Variants in SH3KBP1 observed in about 807,000 individuals in gnomAD.
SH3KBP1 encodes the protein SH3 domain-containing kinase-binding protein 1.
Under a neutral mutation model 50.1 loss-of-function variants are expected in SH3KBP1, and 8 were observed. The observed-to-expected ratio is 0.16, with a 90% CI of 0.09 to 0.29. The LOEUF (loss-of-function observed/expected upper bound fraction) is 0.29, where lower values mean the gene tolerates loss of function less well. SH3KBP1 is among the 10% of genes least tolerant of loss of function. SH3KBP1 has a pLI of 1.00. For missense variants in SH3KBP1, 377 were observed against 535.2 expected (o/e 0.70, Z 2.92); for synonymous variants, 227 against 218.6 (o/e 1.04, Z -0.34).
chrX:19,757,562 CA>C (rs35710169), intron 2 of SH3KBP1, among the ~76,000 whole-genome samples: 7,606 of 78,331 alleles, frequency 0.097, 517 homozygotes, highest in African/African-American at 0.24. Context: ...TATCTTATGT[CA>C]AAAAAAAAAA....
At chrX:19,814,187 C>T (rs2067288554) in intron 2 of SH3KBP1, among the ~76,000 whole-genome samples, 1 of 110,902 alleles carries the variant, frequency 9.0e-6, no homozygotes, top group African/African-American at 3.3e-5. Context: ...CCAGCAAATC[C>T]CGTTGGCTGT....
chrX:19,882,549 G>C (rs961050583), intron 1 of SH3KBP1, among the ~76,000 whole-genome samples: 5 of 111,589 alleles, frequency 4.5e-5, no homozygotes, highest in Non-Finnish European at 7.5e-5. Context: ...GGCAAGGAAA[G>C]GGATTCCCTC....
At chrX:19,793,237 A>T (rs1171550255) in intron 2 of SH3KBP1, among the ~76,000 whole-genome samples, 1 of 108,355 alleles carries the variant, frequency 9.2e-6, no homozygotes, top group Non-Finnish European at 1.9e-5. Flanking sequence ...GGTTGAGGCT[A>T]CAGTGAGTTG....
chrX:19,605,871 G>GT (rs1491218750), intron 9 of SH3KBP1, among the ~76,000 whole-genome samples: 1 of 112,049 alleles, frequency 8.9e-6, no homozygotes, highest in Non-Finnish European at 1.9e-5. Context: ...CTGTGCTCAC[G>GT]TGTCTCTACC....
intron 12 of SH3KBP1, among the ~76,000 whole-genome samples, chrX:19,570,421 C>T (rs1333250216): frequency 9.0e-6 from 1 of 111,571 alleles, no homozygotes; most frequent in East Asian, 2.8e-4. Flanking sequence ...TGGCCAAGTC[C>T]CCCGGGACCA....
intron 2 of SH3KBP1, among the ~76,000 whole-genome samples, chrX:19,771,051 G>A (rs138130313): frequency 0.012 from 1,383 of 111,662 alleles, 11 homozygotes; most frequent in Middle Eastern, 0.028. Context: ...TTTACCCAGG[G>A]AATGGGGGGT....
chrX:19,608,102 G>A (rs2067295334), intron 8 of SH3KBP1, 57 bp from the exon 9 acceptor site: 2 of 984,459 alleles, frequency 2.0e-6, no homozygotes, highest in Admixed American at 5.1e-5. Context: ...CCAGAGGGGT[G>A]TAACCCCCCT....
At chrX:19,859,717 T>C (rs949710086) in intron 1 of SH3KBP1, among the ~76,000 whole-genome samples, 1 of 110,946 alleles carries the variant, frequency 9.0e-6, no homozygotes, top group Admixed American at 9.6e-5. Flanking sequence ...TGGGCTTGTT[T>C]GCACCTTCTG....
chrX:19,610,810 G>A (rs111882429), intron 8 of SH3KBP1, among the ~76,000 whole-genome samples: 42 of 111,914 alleles, frequency 3.8e-4, no homozygotes, highest in African/African-American at 1.4e-3. Context: ...CTTAGCTGAG[G>A]ACTGGTCTTC....
intron 1 of SH3KBP1, among the ~76,000 whole-genome samples, chrX:19,868,561 T>C (rs183136919): frequency 1.7e-4 from 18 of 107,607 alleles, no homozygotes; most frequent in Middle Eastern, 4.8e-3. Flanking sequence ...TTCTCTCTAG[T>C]ACCCATTATC....
chrX:19,567,823 T>C (rs1392480353), intron 13 of SH3KBP1, among the ~76,000 whole-genome samples: 1 of 109,670 alleles, frequency 9.1e-6, no homozygotes, highest in Admixed American at 9.9e-5. Context: ...TTCAGCCTTC[T>C]ATATTATGTA....
chrX:19,579,779 G>A (rs1393930777), intron 12 of SH3KBP1, among the ~76,000 whole-genome samples: 1 of 111,877 alleles, frequency 8.9e-6, no homozygotes, highest in Non-Finnish European at 1.9e-5. Flanking sequence ...GTGACCTATG[G>A]GACTACCTTC....
intron 2 of SH3KBP1, among the ~76,000 whole-genome samples, chrX:19,778,098 G>C (rs1459338539): frequency 9.0e-6 from 1 of 111,548 alleles, no homozygotes; most frequent in East Asian, 2.8e-4. Context: ...AAACACTATA[G>C]CAGTGGAAAG....
intron 9 of SH3KBP1, chrX:19,601,569 G>C (rs1003348484): frequency 3.6e-5 from 4 of 111,849 alleles, no homozygotes; most frequent in African/African-American, 1.3e-4. Flanking sequence ...GTAAGTCTCA[G>C]CTTGATTTTC....
At chrX:19,553,889 T>TTA (rs1354905020) in intron 13 of SH3KBP1, among the ~76,000 whole-genome samples, 1 of 80,201 alleles carries the variant, frequency 1.2e-5, no homozygotes, top group Non-Finnish European at 2.3e-5. Flanking sequence ...ATAATATATA[T>TTA]TATATATTAT....
intron 2 of SH3KBP1, among the ~76,000 whole-genome samples, chrX:19,810,686 T>C (rs1215905386): frequency 1.8e-5 from 2 of 112,237 alleles, no homozygotes; most frequent in South Asian, 3.6e-4. Context: ...CTAGACTTGA[T>C]TGTCACCTTA....
intron 7 of SH3KBP1, among the ~76,000 whole-genome samples, chrX:19,639,696 G>A (rs1377498336): frequency 9.1e-6 from 1 of 110,190 alleles, no homozygotes; most frequent in Non-Finnish European, 1.9e-5. Context: ...CAAGCATGAG[G>A]GGCTTCAGTA....
chrX:19,796,426 G>A (rs1302407052), intron 2 of SH3KBP1, among the ~76,000 whole-genome samples: 1 of 111,994 alleles, frequency 8.9e-6, no homozygotes, highest in Non-Finnish European at 1.9e-5. Flanking sequence ...CTTAGACATG[G>A]TCCCTACCCC....
intron 8 of SH3KBP1, among the ~76,000 whole-genome samples, chrX:19,611,955 A>AG (rs1458939041): frequency 4.6e-4 from 41 of 89,208 alleles, no homozygotes; most frequent in African/African-American, 1.7e-3. Context: ...TAGCAGAAGT[A>AG]GAAAAAAAAA....
Sources: allele counts gnomAD v4.1 joint callset (sites outside exome capture counted in the v4.1 genomes callset), GRCh38; gene constraint gnomAD v4.1.1; transcripts MANE v1.5; gene names NCBI Gene and HGNC (gene_info 2026-07-23, HGNC 2026-07-21).